The following AKAP10 variants were observed in gnomAD, a reference collection of about 807,000 sequenced individuals.
AKAP10 encodes A-kinase anchor protein 10, mitochondrial.
A neutral mutation model predicts 80.8 loss-of-function variants in AKAP10; 24 were observed. The observed-to-expected ratio is 0.30, with a 90% CI of 0.22 to 0.42. The LOEUF (loss-of-function observed/expected upper bound fraction) is 0.42. Ranked by LOEUF, AKAP10 falls within the 10% of genes least tolerant of loss-of-function variation. The probability of loss-of-function intolerance (pLI) is 1.00; values close to 1 mark genes in which losing one functional copy is unlikely to be tolerated. For synonymous variants in AKAP10, 291 were observed against 277.7 expected, an observed-to-expected ratio of 1.05 and a Z score of -0.48; for missense variants, 661 against 794.9, an observed-to-expected ratio of 0.83 and a Z score of 2.03.
chr17:19,942,509 T>C (rs767635696), intron 5 of AKAP10, among the ~76,000 whole-genome samples: 28 of 152,202 alleles, frequency 1.8e-4, no homozygotes, highest in Non-Finnish European at 3.4e-4. Context: ...AATTTGGCAG[T>C]TTCTAGCATA....
rs753108596 is a variant in AKAP10, at chr17:19,963,035, A to G, written c.137-13T>C. On this transcript the variant is annotated splice_polypyrimidine_tract_variant and intron_variant, in intron 2 of 14. Transcript: ENST00000225737. ...ACGGATATTGAAGCTATAATTTTTC[A>G]AAAAATTGTTAAGAATTAAACACAA... is the stretch of plus-strand genomic sequence containing the variant. The G allele has an allele frequency of 6.3e-7, 1 of 1,587,740 alleles. No homozygotes were observed. Among genetic ancestry groups the G allele is most frequent in the Non-Finnish European group, 8.6e-7 (1 of 1,161,200 alleles).
intron 9 of AKAP10, among the ~76,000 whole-genome samples, chr17:19,934,271 C>T (rs1166862349): frequency 1.3e-5 from 2 of 152,048 alleles, no homozygotes; most frequent in East Asian, 3.9e-4. Context: ...TCATAATACC[C>T]AAAACTAGGG....
intron 4 of AKAP10, among the ~76,000 whole-genome samples, chr17:19,954,941 T>C (rs1296687264): frequency 6.6e-6 from 1 of 151,480 alleles, no homozygotes; most frequent in African/African-American, 2.4e-5. Context: ...AAGTCCTGAT[T>C]GGGCACAGTG....
Position 19,931,913 on chromosome 17 carries a change from C to T in AKAP10, c.1533G>A (p.Ser511=), listed in dbSNP as rs763524206. 4.3e-6 allele frequency: 7 copies of T among 1,613,710 alleles called. No individual in the cohort carries two copies. The highest frequency in any genetic ancestry group is 4.5e-5 in the East Asian group (2 of 44,880). The change falls in exon 10 of 15, where the codon TCG becomes TCA. Residue 511 remains serine, a synonymous_variant. Transcript: ENST00000225737. ...YYKYLNDLIH[S]VRGDEFLGGN... Reference sequence around the variant, plus strand: ...CGCCCAGAAATTCATCTCCTCGAACCGAATGGATGAGATCATTCAAATATT... The same window carrying T: ...CGCCCAGAAATTCATCTCCTCGAACTGAATGGATGAGATCATTCAAATATT...
At chr17:19,977,447 G>A in intron 1 of AKAP10, 145 bp downstream of exon 1, 1 of 536,602 alleles carries the variant, frequency 1.9e-6, no homozygotes, top group Non-Finnish European at 2.8e-6. Flanking sequence ...CCGGAGCAGA[G>A]CAAGGCACTC....
chr17:19,971,282 G>A (rs1489062953), intron 1 of AKAP10, among the ~76,000 whole-genome samples: 1 of 151,940 alleles, frequency 6.6e-6, no homozygotes, highest in Non-Finnish European at 1.5e-5. Context: ...GCCAAGTTGG[G>A]TGGAACACTT....
Position 19,958,882 on chromosome 17 carries a change from CTT to C in AKAP10, c.320-313_320-312del, listed in dbSNP as rs1171535794. 6.3e-5 allele frequency among the ~76,000 whole-genome samples: 5 copies of C among 79,410 alleles called. No individual in the cohort carries two copies. In the Admixed American group the frequency reaches 7.4e-4, roughly 12 times the overall value. 52.1% of individuals were successfully genotyped at this position (79,410 alleles called of 152,430 possible). A position where few individuals can be genotyped will look rare whatever the true frequency, so the allele number is the denominator to read the frequency against. On this transcript the variant is annotated intron_variant, in intron 3 of 14. Transcript: ENST00000225737. ...TTTTTTTTTTTTGAGACTTTTCACT[CTT>C]GTTGCCTAGGCTGGAGAGCAATGGC...
intron 10 of AKAP10, among the ~76,000 whole-genome samples, chr17:19,927,821 A>G (rs912097275): frequency 2.6e-5 from 4 of 151,896 alleles, no homozygotes; most frequent in African/African-American, 9.7e-5. Flanking sequence ...GAGGCAGGAA[A>G]ATCGCTTGAA....
intron 1 of AKAP10, among the ~76,000 whole-genome samples, chr17:19,976,461 T>G (rs2043568280): frequency 6.6e-6 from 1 of 151,502 alleles, no homozygotes; most frequent in Non-Finnish European, 1.5e-5. Context: ...CACTCGAGCC[T>G]GGGCAACAAG....
intron 3 of AKAP10, among the ~76,000 whole-genome samples, chr17:19,961,313 C>T (rs574056860): frequency 2.6e-5 from 4 of 151,748 alleles, no homozygotes; most frequent in Non-Finnish European, 4.4e-5. Flanking sequence ...AATCACGCCA[C>T]TGTACTCCAG....
At chr17:19,936,861 A>G (rs2152413825) in intron 8 of AKAP10, among the ~76,000 whole-genome samples, 1 of 152,334 alleles carries the variant, frequency 6.6e-6, no homozygotes, top group East Asian at 1.9e-4. Context: ...TAAAATAAGA[A>G]CACATCATCA....
chr17:19,906,689 T>C (rs1419766167), intron 14 of AKAP10, among the ~76,000 whole-genome samples: 1 of 152,168 alleles, frequency 6.6e-6, no homozygotes, highest in Non-Finnish European at 1.5e-5. Context: ...GCATGGGACA[T>C]GTGCACATGA....
intron 12 of AKAP10, among the ~76,000 whole-genome samples, chr17:19,919,033 C>T (rs979125244): frequency 4.0e-5 from 6 of 149,234 alleles, no homozygotes; most frequent in South Asian, 2.1e-4. Flanking sequence ...CCCATTAACT[C>T]GTCATTTATA....
chr17:19,915,133 G>A (rs906629060), intron 12 of AKAP10, among the ~76,000 whole-genome samples: 2 of 152,198 alleles, frequency 1.3e-5, no homozygotes, highest in Admixed American at 1.3e-4. Flanking sequence ...AATTTTATGT[G>A]TATCCATTCA....
chr17:19,916,741 T>C (rs2042747189), intron 12 of AKAP10, among the ~76,000 whole-genome samples: 1 of 149,440 alleles, frequency 6.7e-6, no homozygotes, highest in Admixed American at 6.7e-5. Context: ...ATCGAGACCA[T>C]CCTGGCTAAT....
At position 19,920,044 on chromosome 17, in the gene AKAP10, T is replaced by C. The variant is rs780145239; in HGVS notation, c.1826A>G (p.Lys609Arg). The stretch of plus-strand genomic sequence containing the variant: ...ATAAAAACACCACAAACCTTTTGAT[T>C]TCCTTACATCAGGTTCAGGCTCAGA... ...RESEPEPDVRKSKGSMFSQAM... is the reference protein window; with the variant it reads ...RESEPEPDVRRSKGSMFSQAM... The change falls in exon 12 of 15, where the codon AAA (lysine) becomes AGA (arginine). Residue 609 changes from lysine (K) to arginine (R), a missense_variant. Physicochemically the swap from Lys to Arg is conservative, Grantham distance 26. Transcript: ENST00000225737. The C allele has an allele frequency of 5.0e-6, 8 of 1,612,122 alleles. No individual in the cohort carries two copies. Among genetic ancestry groups the C allele is most frequent in the South Asian group, 2.2e-5 (2 of 90,892 alleles).
At chr17:19,938,396 C>A (rs1159458004) in intron 8 of AKAP10, among the ~76,000 whole-genome samples, 6 of 151,784 alleles carry the variant, frequency 4.0e-5, no homozygotes, top group Admixed American at 3.9e-4. Context: ...GCCATCATGC[C>A]TGGCTAATTC....
chr17:19,905,855 C>G lies in AKAP10; in HGVS notation c.*372G>C. 5.3e-6 allele frequency: 1 copy of G among 189,110 alleles called. No individual in the cohort carries two copies. Among genetic ancestry groups the G allele is most frequent in the Admixed American group, 5.5e-5 (1 of 18,144 alleles). The allele number at this position is 189,110 out of a possible 1,614,324, so 11.7% of individuals were successfully genotyped here. On this transcript the variant is annotated 3_prime_UTR_variant, in exon 15 of 15. Transcript: ENST00000225737. ...GCTGATTAGGGATGAGTTACCACTA[C>G]GAGTGTGCATCAAGTATCAGTTCTA...
intron 10 of AKAP10, among the ~76,000 whole-genome samples, chr17:19,928,046 CCT>C (rs536952693): frequency 2.1e-3 from 321 of 152,048 alleles, no homozygotes; most frequent in African/African-American, 7.5e-3. Flanking sequence ...ATGGTGAAAC[CCT>C]GTCACTAGTA....
Sources: allele counts gnomAD v4.1 joint callset (sites outside exome capture counted in the v4.1 genomes callset), GRCh38; gene constraint gnomAD v4.1.1; transcripts MANE v1.5; gene names NCBI Gene and HGNC (gene_info 2026-07-23, HGNC 2026-07-21).